MYO3B: variants seen among roughly 807,000 people sequenced by gnomAD.
MYO3B encodes the protein myosin-IIIb.
Under a neutral mutation model 174.6 loss-of-function variants are expected in MYO3B, and 156 were observed. The ratio of observed to expected loss-of-function variants is 0.89; its 90% CI spans 0.78 to 1.02. MYO3B has a LOEUF of 1.02. Ranked by LOEUF, MYO3B falls within the 50% of genes least tolerant of loss-of-function variation. The pLI, the probability that MYO3B is intolerant of heterozygous loss-of-function variation, is 0.00. For missense variants in MYO3B, 1,632 were observed against 1,639.4 expected, an observed-to-expected ratio of 1.00 and a Z score of 0.08; for synonymous variants, 563 against 569.1, an observed-to-expected ratio of 0.99 and a Z score of 0.15.
At chr2:170,293,978 C>CT (rs11445077) in intron 7 of MYO3B, among the ~76,000 whole-genome samples, 30,064 of 151,346 alleles carry the variant, frequency 0.2, 3,950 homozygotes, top group African/African-American at 0.34. Flanking sequence ...GAATTTCGTT[C>CT]TTTTTTTTCC....
intron 30 of MYO3B, among the ~76,000 whole-genome samples, chr2:170,527,797 G>C (rs1432370442): frequency 6.6e-6 from 1 of 152,200 alleles, no homozygotes; most frequent in Non-Finnish European, 1.5e-5. Flanking sequence ...TGACTACCTA[G>C]TACGTAGTTA....
chr2:170,213,128 TAGTA>T (rs2092790061), intron 3 of MYO3B, among the ~76,000 whole-genome samples: 1 of 152,176 alleles, frequency 6.6e-6, no homozygotes, highest in Non-Finnish European at 1.5e-5. Flanking sequence ...CTTCTGCAAT[TAGTA>T]AGAGTCATCT....
intron 7 of MYO3B, among the ~76,000 whole-genome samples, chr2:170,244,871 A>G (rs140393758): frequency 2.0e-5 from 3 of 152,348 alleles, no homozygotes; most frequent in Admixed American, 6.5e-5. Context: ...TTGTTGTGAC[A>G]TCTTAGTGGC....
In MYO3B at chr2:170,501,850, G is replaced by C. The variant is rs1216258093; in HGVS notation, c.3355G>C (p.Ala1119Pro). Residue 1119 changes from alanine (A) to proline (P), a missense_variant, in exon 28 of 35, where the codon GCT (alanine) becomes CCT (proline). Physicochemically the swap from Ala to Pro is conservative, Grantham distance 27. Transcript: ENST00000408978. Reference protein sequence around the residue: ...KISNRRNESAAHNQAGDTSNQ... With the variant: ...KISNRRNESAPHNQAGDTSNQ... Reference sequence around the variant, plus strand: ...AAGCAACAGAAGGAATGAGTCTGCTGCTCATAATCAAGCAGGTAATTAAAA... The same window carrying C: ...AAGCAACAGAAGGAATGAGTCTGCTCCTCATAATCAAGCAGGTAATTAAAA... 3 of 1,610,104 alleles carry C rather than the reference G, an allele frequency of 1.9e-6. No individual in the cohort carries two copies. The highest frequency in any genetic ancestry group is 2.5e-6 in the Non-Finnish European group (3 of 1,176,538).
At chr2:170,250,254 C>A (rs2093236762) in intron 7 of MYO3B, among the ~76,000 whole-genome samples, 1 of 152,148 alleles carries the variant, frequency 6.6e-6, no homozygotes, top group African/African-American at 2.4e-5. Context: ...TTTATTTCAT[C>A]TTATTCATTT....
chr2:170,245,864 T>C (rs886512809), intron 7 of MYO3B, among the ~76,000 whole-genome samples: 37 of 152,302 alleles, frequency 2.4e-4, no homozygotes, highest in African/African-American at 7.9e-4. Flanking sequence ...GCCTCATGTA[T>C]AGGTATGTAA....
chr2:170,642,154 A>G (rs1698022020), intron 32 of MYO3B, among the ~76,000 whole-genome samples: 1 of 152,100 alleles, frequency 6.6e-6, no homozygotes, highest in African/African-American at 2.4e-5. Flanking sequence ...GATGGAAGAG[A>G]TCTTAATAAG....
At chr2:170,595,629 G>C (rs1442224144) in intron 32 of MYO3B, among the ~76,000 whole-genome samples, 1 of 152,032 alleles carries the variant, frequency 6.6e-6, no homozygotes, top group Non-Finnish European at 1.5e-5. Context: ...TGTAGAGATG[G>C]GGTCTCGTCA....
chr2:170,399,242 C>CAAAAAAAAAAAAAAAAAAAAAAAAAA (rs71399532), intron 16 of MYO3B, among the ~76,000 whole-genome samples: 1 of 15,608 alleles, frequency 6.4e-5, no homozygotes, highest in Non-Finnish European at 1.3e-4. Context: ...AATTCCGTCT[C>CAAAAAAAAAAAAAAAAAAAAAAAAAA]AAAAAAAAAA....
At chr2:170,245,949 TA>T (rs1405610001) in intron 7 of MYO3B, among the ~76,000 whole-genome samples, 3 of 152,056 alleles carry the variant, frequency 2.0e-5, no homozygotes, top group Non-Finnish European at 2.9e-5. Flanking sequence ...AAATAAATAA[TA>T]AAAATATACC....
chr2:170,374,425 T>C (rs1014850721), intron 9 of MYO3B, among the ~76,000 whole-genome samples: 1 of 152,122 alleles, frequency 6.6e-6, no homozygotes, highest in Non-Finnish European at 1.5e-5. Context: ...GAACTTTTGA[T>C]AGATAATTAG....
intron 22 of MYO3B, among the ~76,000 whole-genome samples, chr2:170,439,747 C>A (rs1047778434): frequency 1.3e-5 from 2 of 152,142 alleles, no homozygotes; most frequent in Non-Finnish European, 2.9e-5. Flanking sequence ...GTGGTGCTAT[C>A]CCTGTTCACT....
In MYO3B at chr2:170,408,068, A is replaced by G. The variant is rs535392917; in HGVS notation, c.2650+224A>G. Among the ~76,000 whole-genome samples, 15 of 152,356 alleles carry G rather than the reference A, an allele frequency of 9.8e-5. 1 individual carries two copies. The South Asian group carries it at 3.1e-3, about 32-fold the overall frequency. ...GACACGTGTAGCTGCACACATAAAC[A>G]TACATACACTATCCATAACATCAAC... is the stretch of plus-strand genomic sequence containing the variant. On this transcript the variant is annotated intron_variant, in intron 22 of 34. Coordinates refer to ENST00000408978, the MANE Select transcript of MYO3B (RefSeq NM_138995.5).
At chr2:170,497,032 C>G (rs6725059) in intron 25 of MYO3B, among the ~76,000 whole-genome samples, 1 of 152,134 alleles carries the variant, frequency 6.6e-6, no homozygotes, top group Non-Finnish European at 1.5e-5. Flanking sequence ...ACACCACCCC[C>G]AAATATGGCA....
intron 23 of MYO3B, among the ~76,000 whole-genome samples, chr2:170,460,918 GTGTTTCAGC>G (rs1269635982): frequency 6.6e-6 from 1 of 152,098 alleles, no homozygotes; most frequent in Non-Finnish European, 1.5e-5. Context: ...CTTTTAAATT[GTGTTTCAGC>G]TGAATTAATA....
intron 32 of MYO3B, among the ~76,000 whole-genome samples, chr2:170,632,561 C>G (rs1697096050): frequency 6.6e-6 from 1 of 152,016 alleles, no homozygotes; most frequent in African/African-American, 2.4e-5. Context: ...CCTAACATCA[C>G]AATTAAAAGA....
intron 1 of MYO3B, among the ~76,000 whole-genome samples, chr2:170,181,352 G>C (rs1482144161): frequency 6.6e-6 from 1 of 152,046 alleles, no homozygotes; most frequent in Non-Finnish European, 1.5e-5. Context: ...AATTCCATCA[G>C]TTTTTTAAAT....
Position 170,391,542 on chromosome 2 carries a change from T to A in MYO3B, c.1600T>A (p.Phe534Ile), listed in dbSNP as rs545746878. 4.6e-6 allele frequency: 7 copies of A among 1,530,590 alleles called. No individual in the cohort carries two copies. In the African/African-American group the frequency reaches 9.9e-5, roughly 22 times the overall value. The allele number at this position is 1,530,590 out of a possible 1,614,324, so 94.8% of individuals were successfully genotyped here. The stretch of plus-strand genomic sequence containing the variant: ...CAGGAGAGAGAAAAATTTTCATATA[T>A]TTTACTATATTTATGCTGGTCTTCA... ...QAAREKNFHI[F>I]YYIYAGLHHQ... Residue 534 changes from phenylalanine (F) to isoleucine (I), a missense_variant, in exon 15 of 35, where the codon TTT becomes ATT. Coordinates refer to ENST00000408978, the MANE Select transcript of MYO3B (RefSeq NM_138995.5).
intron 3 of MYO3B, among the ~76,000 whole-genome samples, chr2:170,207,140 C>T (rs909017900): frequency 6.6e-6 from 1 of 152,106 alleles, no homozygotes; most frequent in Non-Finnish European, 1.5e-5. Flanking sequence ...TCATAAGAAA[C>T]TGAAATTTCT....
Sources: allele counts gnomAD v4.1 joint callset (sites outside exome capture counted in the v4.1 genomes callset), GRCh38; gene constraint gnomAD v4.1.1; transcripts MANE v1.5; gene names NCBI Gene and HGNC (gene_info 2026-07-23, HGNC 2026-07-21).